MPP7: variants seen among roughly 807,000 people sequenced by gnomAD.
MPP7 encodes the protein MAGUK p55 subfamily member 7.
MPP7 carries 60 observed loss-of-function variants against 76.5 expected under a neutral mutation model. The ratio of observed to expected loss-of-function variants is 0.78; its 90% CI spans 0.64 to 0.97. The LOEUF is 0.97. Ranked by LOEUF, MPP7 falls within the 50% of genes least tolerant of loss-of-function variation. MPP7 has a pLI of 0.00. For synonymous variants in MPP7, 237 were observed against 244.5 expected (o/e 0.97, Z 0.29); for missense variants, 641 against 694.0 (o/e 0.92, Z 0.86).
chr10:28,119,169 C>T (rs907962595), intron 11 of MPP7: 2 of 548,356 alleles, frequency 3.6e-6, no homozygotes, highest in African/African-American at 2.1e-5. Flanking sequence ...CTGGTAATAA[C>T]TCCAAAGGGA....
At chr10:28,175,430 G>T (rs554533112) in intron 3 of MPP7, among the ~76,000 whole-genome samples, 26 of 117,182 alleles carry the variant, frequency 2.2e-4, no homozygotes, top group Non-Finnish European at 1.8e-5. Context: ...ACATTTTGGG[G>T]TTCTGCAGGA....
intron 11 of MPP7, among the ~76,000 whole-genome samples, chr10:28,115,094 TTTG>T (rs1360413351): frequency 6.9e-6 from 1 of 144,222 alleles, no homozygotes; most frequent in Non-Finnish European, 1.5e-5. Flanking sequence ...GTTTGTTTGT[TTTG>T]TTTTTTGTTT....
chr10:28,139,489 T>C (rs1348546215), intron 5 of MPP7, among the ~76,000 whole-genome samples: 11 of 152,148 alleles, frequency 7.2e-5, no homozygotes, highest in Non-Finnish European at 1.6e-4. Flanking sequence ...CTTTATTAGG[T>C]ACAGAACACA....
chr10:28,317,435 G>C (rs894603109), intron 2 of MPP7, among the ~76,000 whole-genome samples: 1 of 152,154 alleles, frequency 6.6e-6, no homozygotes, highest in African/African-American at 2.4e-5. Context: ...CGAGGCTGAG[G>C]CAGGAGGATT....
chr10:28,186,973 C>G (rs1241660056), intron 3 of MPP7, among the ~76,000 whole-genome samples: 3 of 152,164 alleles, frequency 2.0e-5, no homozygotes, highest in Non-Finnish European at 4.4e-5. Flanking sequence ...TTTCCTGATT[C>G]CATACATTCT....
chr10:28,086,137 G>A (rs971536440), intron 12 of MPP7, among the ~76,000 whole-genome samples: 20 of 152,038 alleles, frequency 1.3e-4, no homozygotes, highest in Admixed American at 2.6e-4. Context: ...CAGGGCCTGC[G>A]GGGTGGGGGC....
At chr10:28,316,017 A>G (rs1399949429) in intron 2 of MPP7, among the ~76,000 whole-genome samples, 3 of 152,228 alleles carry the variant, frequency 2.0e-5, no homozygotes, top group African/African-American at 7.2e-5. Context: ...CAAGGTAATC[A>G]GAAACAAGGA....
intron 3 of MPP7, among the ~76,000 whole-genome samples, chr10:28,180,462 G>T (rs969291296): frequency 5.9e-5 from 9 of 151,996 alleles, no homozygotes; most frequent in Admixed American, 2.0e-4. Context: ...TTTCTACAGC[G>T]CAACTGTTAG....
intron 8 of MPP7, among the ~76,000 whole-genome samples, chr10:28,122,123 C>T (rs1241720983): frequency 2.0e-5 from 3 of 152,274 alleles, no homozygotes; most frequent in Non-Finnish European, 2.9e-5. Context: ...AATTCTCATA[C>T]TGTAATACTG....
At chr10:28,163,859 C>T (rs183256185) in intron 3 of MPP7, among the ~76,000 whole-genome samples, 2 of 146,268 alleles carry the variant, frequency 1.4e-5, no homozygotes, top group East Asian at 4.0e-4. Flanking sequence ...CGCAGTGAGC[C>T]GAGGCCGCGC....
At chr10:28,184,185 T>C (rs943605863) in intron 3 of MPP7, among the ~76,000 whole-genome samples, 8 of 77,102 alleles carry the variant, frequency 1.0e-4, no homozygotes, top group Admixed American at 4.4e-4. Flanking sequence ...TATGTCTTTA[T>C]ATATCAAAAT....
At chr10:28,319,649 G>A (rs527425322) in intron 2 of MPP7, among the ~76,000 whole-genome samples, 1 of 151,858 alleles carries the variant, frequency 6.6e-6, no homozygotes, top group Non-Finnish European at 1.5e-5. Flanking sequence ...AATTCTGAGG[G>A]GGTATTTAAA....
rs1211589640 is a variant in MPP7, at chr10:28,213,809, AAGAG to A, written c.38-11542_38-11539del. ...TCTGTCTCAAAAAAAAAAAAAAAAA[AAGAG>A]AGAGAGAGAGAGAGAGAAGGTTGGT... is the stretch of plus-strand genomic sequence containing the variant. On this transcript the variant is annotated intron_variant, in intron 2 of 16. Transcript: ENST00000683449. Among the ~76,000 whole-genome samples the A allele has an allele frequency of 3.1e-3, 417 of 136,484 alleles. 3 individuals are homozygous for A. Among genetic ancestry groups the A allele is most frequent in the Middle Eastern group, 7.6e-3 (2 of 264 alleles). The allele number at this position is 136,484 out of a possible 152,430, so 89.5% of individuals were successfully genotyped here. A position where few individuals can be genotyped will look rare whatever the true frequency, so the allele number is the denominator to read the frequency against.
Position 28,212,770 on chromosome 10 carries a change from C to T in MPP7, c.38-10499G>A, listed in dbSNP as rs565918463. Among the ~76,000 whole-genome samples, 32 of 152,282 alleles carry T rather than the reference C, an allele frequency of 2.1e-4. No individual in the cohort carries two copies. In the South Asian group the frequency reaches 5.4e-3, roughly 26 times the overall value. On this transcript the variant is annotated intron_variant, in intron 2 of 16. Coordinates refer to ENST00000683449, the MANE Select transcript of MPP7 (RefSeq NM_001318170.2). ...AAGAATGAACCATCCACTGTGTAAA[C>T]GCCACTGATAAGCAAGTACAATGAG...
chr10:28,319,066 A>C (rs1834343819), intron 2 of MPP7, among the ~76,000 whole-genome samples: 1 of 152,246 alleles, frequency 6.6e-6, no homozygotes, highest in Non-Finnish European at 1.5e-5. Flanking sequence ...ATTGGCTCAC[A>C]GTTCTACAGG....
chr10:28,118,688 G>A (rs1255346075), intron 11 of MPP7: 1 of 985,290 alleles, frequency 1.0e-6, no homozygotes, highest in African/African-American at 1.7e-5. Flanking sequence ...AATGTAGCAA[G>A]GACAAGCAGG....
At chr10:28,236,729 C>G (rs1230955981) in intron 2 of MPP7, 1 of 152,128 alleles carries the variant, frequency 6.6e-6, no homozygotes, top group African/African-American at 2.4e-5. Context: ...ATCTAGGCTG[C>G]TGTGAGTCGG....
intron 3 of MPP7, among the ~76,000 whole-genome samples, chr10:28,174,684 A>G (rs962310961): frequency 6.6e-6 from 1 of 152,194 alleles, no homozygotes; most frequent in African/African-American, 2.4e-5. Context: ...ATACATATAC[A>G]AAGAGTTGAA....
At chr10:28,331,099 C>A (rs1834466366) in intron 1 of MPP7, among the ~76,000 whole-genome samples, 1 of 152,222 alleles carries the variant, frequency 6.6e-6, no homozygotes, top group Non-Finnish European at 1.5e-5. Flanking sequence ...AGAGTCATAT[C>A]TACTTTGTTC....
Sources: allele counts gnomAD v4.1 joint callset (sites outside exome capture counted in the v4.1 genomes callset), GRCh38; gene constraint gnomAD v4.1.1; transcripts MANE v1.5; gene names NCBI Gene and HGNC (gene_info 2026-07-23, HGNC 2026-07-21).